The following MGLL variants were observed in gnomAD, a reference collection of about 807,000 sequenced individuals.
MGLL encodes lysophospholipase homolog.
MGLL carries 7 observed loss-of-function variants against 29.1 expected under a neutral mutation model. The observed-to-expected ratio is 0.24, with a 90% CI of 0.14 to 0.45. MGLL has a LOEUF of 0.45. Ranked by LOEUF, MGLL falls within the 20% of genes least tolerant of loss-of-function variation. The pLI, the probability that MGLL is intolerant of heterozygous loss-of-function variation, is 0.99. For synonymous variants in MGLL, 148 were observed against 168.3 expected (o/e 0.88, Z 0.93); for missense variants, 356 against 413.6 (o/e 0.86, Z 1.21).
At chr3:127,776,446 C>A (rs1363276329) in intron 3 of MGLL, among the ~76,000 whole-genome samples, 1 of 152,162 alleles carries the variant, frequency 6.6e-6, no homozygotes, top group Non-Finnish European at 1.5e-5. Flanking sequence ...AGGTGAGAAC[C>A]ATGGCTCTCA....
intron 3 of MGLL, among the ~76,000 whole-genome samples, chr3:127,727,729 A>G (rs1038886058): frequency 6.7e-6 from 1 of 148,388 alleles, no homozygotes; most frequent in Non-Finnish European, 1.5e-5. Context: ...AAAAAAAAAA[A>G]CAGAGCAAGA....
intron 6 of MGLL, among the ~76,000 whole-genome samples, chr3:127,704,092 A>T (rs2075552043): frequency 6.6e-6 from 1 of 152,236 alleles, no homozygotes; most frequent in Non-Finnish European, 1.5e-5. Flanking sequence ...CAACCATCTG[A>T]TCTTTAACAA....
At chr3:127,695,800 T>C (rs915848463) in intron 6 of MGLL, among the ~76,000 whole-genome samples, 1 of 152,242 alleles carries the variant, frequency 6.6e-6, no homozygotes, top group Non-Finnish European at 1.5e-5. Context: ...TTAAAAAATA[T>C]AAGCAGCAGC....
At chr3:127,822,671 G>A, upstream of MGLL, 1 of 326,172 alleles carries the variant, frequency 3.1e-6, no homozygotes, top group African/African-American at 2.2e-5. Flanking sequence ...GAGGCACCTC[G>A]CAGACGCACA....
intron 3 of MGLL, among the ~76,000 whole-genome samples, chr3:127,753,661 C>T (rs940919911): frequency 6.6e-6 from 1 of 152,230 alleles, no homozygotes; most frequent in African/African-American, 2.4e-5. Context: ...ACCTCTGTGG[C>T]CTTCACTTTC....
chr3:127,735,737 C>G (rs1390969964), intron 3 of MGLL: 1 of 1,598,326 alleles, frequency 6.3e-7, no homozygotes, highest in Non-Finnish European at 8.5e-7. Flanking sequence ...CACGTGCTCG[C>G]TCCCCGCCTT....
intron 3 of MGLL, among the ~76,000 whole-genome samples, chr3:127,763,428 TGGTA>T (rs1474022552): frequency 6.6e-6 from 1 of 152,218 alleles, no homozygotes; most frequent in East Asian, 1.9e-4. Flanking sequence ...CCAGTTGCTG[TGGTA>T]GCACGGGCCC....
rs189757013 is a variant in MGLL at position 127,785,933 on chromosome 3, G to A, written c.156-4038C>T. Reference sequence around the variant, plus strand: ...AGGGGAGCCCGACCTAGACTCCAGGGAATAGCCAGGGAAGGCCCCTGAGTG... The same window carrying A: ...AGGGGAGCCCGACCTAGACTCCAGGAAATAGCCAGGGAAGGCCCCTGAGTG... On this transcript the variant is annotated intron_variant, in intron 2 of 7. Coordinates refer to ENST00000265052, the MANE Select transcript of MGLL (RefSeq NM_007283.7). Among the ~76,000 whole-genome samples the A allele has an allele frequency of 3.3e-5, 5 of 152,318 alleles. No individual in the cohort carries two copies. The East Asian group carries it at 9.7e-4, about 29-fold the overall frequency.
intron 2 of MGLL, among the ~76,000 whole-genome samples, chr3:127,798,500 T>C (rs1370409919): frequency 6.6e-6 from 1 of 152,156 alleles, no homozygotes; most frequent in Non-Finnish European, 1.5e-5. Context: ...GTTCCAGGAC[T>C]TCCTCCTTGG....
At chr3:127,759,809 T>A (rs2076730833) in intron 3 of MGLL, among the ~76,000 whole-genome samples, 1 of 152,252 alleles carries the variant, frequency 6.6e-6, no homozygotes, top group South Asian at 2.1e-4. Flanking sequence ...GGCCTTCAGA[T>A]GATTCTCCTT....
chr3:127,691,416 T>C lies in MGLL; in HGVS notation c.*782A>G, dbSNP rs2107572361. ...TTAGACATTTCATCTTCAATATGATTCTCTCATAGCATCAGGTAAAATTAG... is the reference window on the plus strand; with the variant it reads ...TTAGACATTTCATCTTCAATATGATCCTCTCATAGCATCAGGTAAAATTAG... On this transcript the variant is annotated 3_prime_UTR_variant, in exon 8 of 8. Transcript: ENST00000265052. The C allele has an allele frequency of 6.6e-6, 1 of 152,400 alleles. No homozygotes were observed. The highest frequency in any genetic ancestry group is 1.9e-4 in the East Asian group (1 of 5,190). 9.4% of individuals were successfully genotyped at this position (152,400 alleles called of 1,614,324 possible).
intron 3 of MGLL, among the ~76,000 whole-genome samples, chr3:127,778,438 G>A (rs908957590): frequency 2.0e-5 from 3 of 152,220 alleles, no homozygotes; most frequent in Non-Finnish European, 4.4e-5. Flanking sequence ...CTACATTGTA[G>A]ATGAGAAAAT....
chr3:127,806,513 AATGGATGG>A (rs535637186), intron 2 of MGLL, among the ~76,000 whole-genome samples: 12 of 151,828 alleles, frequency 7.9e-5, no homozygotes, highest in African/African-American at 2.7e-4. Context: ...TGAACGAATG[AATGGATGG>A]ATGGATGGAT....
At chr3:127,753,011 A>G (rs913266073) in intron 3 of MGLL, among the ~76,000 whole-genome samples, 1 of 152,176 alleles carries the variant, frequency 6.6e-6, no homozygotes, top group Non-Finnish European at 1.5e-5. Flanking sequence ...CACAGGGAAA[A>G]ACAAAGATTT....
chr3:127,760,833 T>A (rs1041701783), intron 3 of MGLL, among the ~76,000 whole-genome samples: 5 of 152,244 alleles, frequency 3.3e-5, no homozygotes, highest in Non-Finnish European at 7.3e-5. Context: ...TGAGCTTGAA[T>A]AAATCAGGCA....
At chr3:127,801,194 C>T (rs1056281116) in intron 2 of MGLL, among the ~76,000 whole-genome samples, 2 of 150,176 alleles carry the variant, frequency 1.3e-5, no homozygotes, top group African/African-American at 2.5e-5. Flanking sequence ...CCCAGATACT[C>T]AGGAGGCTGA....
chr3:127,770,384 C>T (rs534606664), intron 3 of MGLL, among the ~76,000 whole-genome samples: 4 of 152,050 alleles, frequency 2.6e-5, no homozygotes, highest in Admixed American at 6.6e-5. Flanking sequence ...AAATATTGTA[C>T]AGAAAAAGAG....
Position 127,710,671 on chromosome 3 carries a change from C to T in MGLL, c.511-6G>A. On this transcript the variant is annotated splice_polypyrimidine_tract_variant and splice_region_variant and intron_variant, in intron 5 of 7. Transcript: ENST00000265052. ...AGCACTTTCGCAGCAAGGACCTAGC[C>T]GGGGAGGGAAAACAAGGGCTGTGAG... The T allele has an allele frequency of 3.2e-6, 5 of 1,562,072 alleles. No homozygotes were observed. Among genetic ancestry groups the T allele is most frequent in the East Asian group, 2.4e-5 (1 of 42,372 alleles).
At chr3:127,734,421 C>T (rs550838781) in intron 3 of MGLL, among the ~76,000 whole-genome samples, 2 of 152,166 alleles carry the variant, frequency 1.3e-5, no homozygotes, top group East Asian at 1.9e-4. Context: ...GTCTGCAGTG[C>T]GCCCGTGCCT....
Sources: gnomAD v4.1 joint callset for allele counts (sites outside exome capture counted in the v4.1 genomes callset) on GRCh38, gnomAD v4.1.1 for gene constraint, MANE v1.5 for transcripts, NCBI Gene and HGNC (gene_info 2026-07-23, HGNC 2026-07-21) for gene names.